The following SNORC variants were observed in gnomAD, a reference collection of about 807,000 sequenced individuals.
SNORC encodes the protein secondary ossification center associated regulator of chondrocyte maturation.
SNORC carries 11 observed loss-of-function variants against 9.7 expected under a neutral mutation model. That is an observed-to-expected ratio of 1.14 (90% confidence interval 0.72 to 1.88). The LOEUF (loss-of-function observed/expected upper bound fraction) is 1.88. Among genes scored for constraint, SNORC ranks in the 40% most tolerant of loss-of-function variants. SNORC has a pLI of 0.00. For synonymous variants in SNORC, 108 were observed against 88.7 expected (o/e 1.22, Z -1.22); for missense variants, 197 against 173.1 (o/e 1.14, Z -0.77).
At chr2:232,870,313 G>A (rs372317872) in exon 1 of SNORC, 72 of 1,548,464 alleles carry the variant, frequency 4.6e-5, no homozygotes, top group Admixed American at 2.2e-4. Context: ...CGTGCGTCCC[G>A]CCCGCCGCTG....
At chr2:232,872,808 TCAG>T (rs1691079545) in intron 1 of SNORC, among the ~76,000 whole-genome samples, 1 of 151,708 alleles carries the variant, frequency 6.6e-6, no homozygotes, top group Non-Finnish European at 1.5e-5. Context: ...GAATTGCCTC[TCAG>T]CTTTGCTTTC....
chr2:232,877,224 C>A, downstream of SNORC: 1 of 985,516 alleles, frequency 1.0e-6, no homozygotes, highest in Non-Finnish European at 1.2e-6. Context: ...AGCCCCCACG[C>A]CCACGGTTGG....
At chr2:232,876,705 C>A, downstream of SNORC, 7 of 990,152 alleles carry the variant, frequency 7.1e-6, no homozygotes, top group Non-Finnish European at 8.4e-6. The surrounding 1 kb of genome is among the most constrained non-coding windows in gnomAD (Gnocchi z 6.8). Context: ...ATGTGCGTGC[C>A]CGGTGCGCGT....
intron 1 of SNORC, among the ~76,000 whole-genome samples, chr2:232,875,028 GTC>G (rs1559182031): frequency 6.6e-6 from 1 of 152,204 alleles, no homozygotes; most frequent in Non-Finnish European, 1.5e-5. Flanking sequence ...CTGGATCACA[GTC>G]TCTATCCCAG....
intron 1 of SNORC, among the ~76,000 whole-genome samples, chr2:232,875,089 C>T (rs553415115): frequency 1.3e-5 from 2 of 152,294 alleles, no homozygotes; most frequent in Non-Finnish European, 2.9e-5. Flanking sequence ...CCTGTAATCG[C>T]AGCACTTTGG....
chr2:232,872,543 C>A (rs926645131), intron 1 of SNORC, among the ~76,000 whole-genome samples: 11 of 152,238 alleles, frequency 7.2e-5, no homozygotes, highest in African/African-American at 2.4e-4. Flanking sequence ...GTAGCCACAC[C>A]ACATGGCTAA....
At chr2:232,873,546 G>A (rs994166766) in intron 1 of SNORC, among the ~76,000 whole-genome samples, 5 of 152,218 alleles carry the variant, frequency 3.3e-5, no homozygotes, top group Admixed American at 1.3e-4. Flanking sequence ...AGCTGGGCCT[G>A]GTACCCAGAA....
chr2:232,870,401 T>C, exon 1 of SNORC: 1 of 1,570,734 alleles, frequency 6.4e-7, no homozygotes, highest in Non-Finnish European at 8.6e-7. Context: ...TTCTGGCCCC[T>C]GCGGTGCTCA....
At chr2:232,870,369 G>A (rs750537320) in exon 1 of SNORC, 15 of 1,568,836 alleles carry the variant, frequency 9.6e-6, no homozygotes, top group African/African-American at 5.4e-5. Context: ...CCTGCGCATG[G>A]CGCTGCTGCT....
At position 232,873,518 on chromosome 2, in the gene SNORC, G is replaced by A. The variant is rs145655323; in HGVS notation, c.74-2422G>A. On this transcript the variant is annotated intron_variant, in intron 1 of 2. Coordinates refer to ENST00000331342, the Ensembl canonical transcript of SNORC. ...GCCTGCCACTCCTCGGCTGATTCCC[G>A]CAGATGCCACCCGGCTCAGCTGGGC... Among the ~76,000 whole-genome samples the A allele has an allele frequency of 6.4e-3, 981 of 152,308 alleles. 13 individuals are homozygous for A. The highest frequency in any genetic ancestry group is 0.021 in the African/African-American group (891 of 41,568).
chr2:232,868,942 G>A (rs546929358), upstream of SNORC: 11 of 152,126 alleles, frequency 7.2e-5, no homozygotes, highest in Non-Finnish European at 1.3e-4. Flanking sequence ...AGCAAAATTC[G>A]TATCTTACTA....
chr2:232,876,534 GT>G (rs1691257187), downstream of SNORC: 24 of 1,201,982 alleles, frequency 2.0e-5, no homozygotes, highest in South Asian at 9.4e-4. The surrounding 1 kb of genome is among the most constrained non-coding windows in gnomAD (Gnocchi z 6.8). Flanking sequence ...ACGCGCGCGG[GT>G]CCGGAGGCGC....
downstream of SNORC, chr2:232,876,632 C>T (rs1691262158): frequency 4.8e-6 from 5 of 1,039,954 alleles, no homozygotes; most frequent in Non-Finnish European, 5.8e-6. This position sits in a 1 kb window ranked among gnomAD's most constrained non-coding sequence, Gnocchi z 6.8. Context: ...CCTGAGCGCG[C>T]GCAGGGCCGC....
chr2:232,872,130 C>A (rs1691050345), intron 1 of SNORC, among the ~76,000 whole-genome samples: 1 of 133,140 alleles, frequency 7.5e-6, no homozygotes, highest in Non-Finnish European at 1.6e-5. Flanking sequence ...GAGCGTTTGA[C>A]CCCACCCCTG....
upstream of SNORC, among the ~76,000 whole-genome samples, chr2:232,868,234 C>G (rs1690913428): frequency 6.6e-6 from 1 of 150,466 alleles, no homozygotes; most frequent in Non-Finnish European, 1.5e-5. Flanking sequence ...GTAGCTGGGA[C>G]TACAGGTGTG....
At chr2:232,870,528 G>A (rs532046417) in intron 1 of SNORC, 114 bp downstream of exon 1, 85 of 1,040,280 alleles carry the variant, frequency 8.2e-5, no homozygotes, top group Non-Finnish European at 1.2e-4. Context: ...CAGGAGATGG[G>A]ATGACTATTT....
upstream of SNORC, among the ~76,000 whole-genome samples, chr2:232,866,879 A>G (rs573975414): frequency 6.6e-5 from 10 of 152,170 alleles, no homozygotes; most frequent in Non-Finnish European, 1.2e-4. Flanking sequence ...ATGCCTGGAT[A>G]ATTTTTATAT....
chr2:232,872,466 G>C (rs1574971346), intron 1 of SNORC, among the ~76,000 whole-genome samples: 1 of 152,222 alleles, frequency 6.6e-6, no homozygotes, highest in Admixed American at 6.5e-5. Context: ...AGTGGGGCTG[G>C]GAGAGAGCCC....
Position 232,876,006 on chromosome 2 carries a change from G to A in SNORC, c.140G>A (p.Gly47Asp), listed in dbSNP as rs1252247788. ...CCGGCCGAGCTGCCGTCGGGAGAAG[G>A]CCCCGTGGAGAGCACCAGCCCCGGC... The change falls in exon 2 of 3, where the codon GGC (glycine) becomes GAC (aspartate). Residue 47 changes from glycine (G) to aspartate (D), a missense_variant. Transcript: ENST00000331342. This position sits in a 1 kb window ranked among gnomAD's most constrained non-coding sequence, Gnocchi z 6.8. 7 of 1,552,534 alleles carry A rather than the reference G, an allele frequency of 4.5e-6. No individual in the cohort carries two copies. Among genetic ancestry groups the A allele is most frequent in the Admixed American group, 1.9e-5 (1 of 51,770 alleles).
Sources: gnomAD v4.1 joint callset for allele counts (sites outside exome capture counted in the v4.1 genomes callset) on GRCh38, gnomAD v4.1.1 for gene constraint, Gnocchi (gnomAD v3.1) non-coding constraint, MANE v1.5 for transcripts, NCBI Gene and HGNC (gene_info 2026-07-23, HGNC 2026-07-21) for gene names.